CELA2A: variants seen among roughly 807,000 people sequenced by gnomAD.
The protein encoded by CELA2A is chymotrypsin like elastase 2A.
CELA2A carries 31 observed loss-of-function variants against 35.3 expected under a neutral mutation model. The observed-to-expected ratio is 0.88, with a 90% CI of 0.66 to 1.19. The LOEUF (loss-of-function observed/expected upper bound fraction) is 1.19, where lower values mean the gene tolerates loss of function less well. Among genes scored for constraint, CELA2A ranks in the 50% most tolerant of loss-of-function variants. The pLI, the probability that CELA2A is intolerant of heterozygous loss-of-function variation, is 0.00. For missense variants in CELA2A, 330 were observed against 352.9 expected, an observed-to-expected ratio of 0.94 and a Z score of 0.52; for synonymous variants, 150 against 149.8, an observed-to-expected ratio of 1.00 and a Z score of -0.01.
intron 2 of CELA2A, among the ~76,000 whole-genome samples, chr1:15,458,307 C>T (rs1030437685): frequency 7.9e-5 from 12 of 152,050 alleles, no homozygotes; most frequent in Non-Finnish European, 1.2e-4. Flanking sequence ...ACAGACACTA[C>T]TTCAAGAGCA....
intron 7 of CELA2A, among the ~76,000 whole-genome samples, chr1:15,470,503 A>G (rs1437435867): frequency 1.3e-5 from 2 of 152,220 alleles, no homozygotes; most frequent in Non-Finnish European, 2.9e-5. Context: ...TTAAAAGACT[A>G]TAAGAGTATC....
chr1:15,464,260 G>C (rs1039048958), intron 5 of CELA2A, among the ~76,000 whole-genome samples: 1 of 152,052 alleles, frequency 6.6e-6, no homozygotes, highest in Admixed American at 6.6e-5. Context: ...TGTGACCTGA[G>C]ACCCCTGGAG....
chr1:15,463,816 C>CG (rs1708474193), intron 5 of CELA2A, among the ~76,000 whole-genome samples: 2 of 151,998 alleles, frequency 1.3e-5, no homozygotes, highest in Non-Finnish European at 2.9e-5. Flanking sequence ...TTGGGAGGCC[C>CG]ATCCCGCGGA....
In CELA2A at chr1:15,467,533, A is replaced by T. The variant is rs1320210576; in HGVS notation, c.787A>T (p.Asn263Tyr). Reference protein sequence around the residue: ...TRVSNYIDWINSVIANN With the variant: ...TRVSNYIDWIYSVIANN ...GGTCTCCAATTACATCGACTGGATC[A>T]ATTCGGTAAGAACCGGACCAGCCCT... The change falls in exon 7 of 8, where the codon AAT (asparagine) becomes TAT (tyrosine). Residue 263 changes from asparagine to tyrosine, a missense_variant. By Grantham distance (143) the Asn-to-Tyr change is moderately radical. Coordinates refer to ENST00000359621, the MANE Select transcript of CELA2A (RefSeq NM_033440.3). 2 of 1,614,162 alleles carry T rather than the reference A, an allele frequency of 1.2e-6. No homozygotes were observed. The highest frequency in any genetic ancestry group is 8.5e-7 in the Non-Finnish European group (1 of 1,180,030).
At chr1:15,470,684 G>A (rs1315225770) in intron 7 of CELA2A, among the ~76,000 whole-genome samples, 2 of 152,094 alleles carry the variant, frequency 1.3e-5, no homozygotes, top group African/African-American at 4.8e-5. Flanking sequence ...GGGTTCAAGC[G>A]ATTCTTCTGC....
rs768691083 is a variant in CELA2A at position 15,462,872 on chromosome 1, G to C, written c.356+11G>C. ...CCAAATCTCCAAAGGGTTCGTTTCT[G>C]TCTGGGTGCACTTGGGGGTGAGGTT... On this transcript the variant is annotated intron_variant, in intron 4 of 7. Coordinates refer to ENST00000359621, the MANE Select transcript of CELA2A (RefSeq NM_033440.3). 6 of 1,614,106 alleles carry C rather than the reference G, an allele frequency of 3.7e-6. No homozygotes were observed. In the African/African-American group the frequency reaches 5.3e-5, roughly 14 times the overall value.
intron 7 of CELA2A, among the ~76,000 whole-genome samples, chr1:15,470,313 C>T (rs10927791): frequency 0.47 from 70,676 of 151,854 alleles, 19,952 homozygotes; most frequent in East Asian, 0.69. Flanking sequence ...TAAACCCAGA[C>T]AGGTGATGAG....
chr1:15,462,610 A>G (rs985339061), intron 3 of CELA2A, 123 bp from the exon 4 acceptor site: 2 of 1,180,534 alleles, frequency 1.7e-6, no homozygotes, highest in African/African-American at 1.5e-5. Flanking sequence ...GTCCCAGGGG[A>G]GGAAAGATCC....
intron 5 of CELA2A, 70 bp from the exon 6 acceptor site, chr1:15,465,929 G>GT: frequency 2.5e-6 from 4 of 1,571,208 alleles, no homozygotes; most frequent in Non-Finnish European, 3.5e-6. Context: ...GGAAACCTAA[G>GT]ACGGGTCCAT....
intron 2 of CELA2A, among the ~76,000 whole-genome samples, chr1:15,461,312 T>C (rs7546793): frequency 0.27 from 41,586 of 152,140 alleles, 5,924 homozygotes; most frequent in Middle Eastern, 0.43. Context: ...TCCTCCTTCC[T>C]TGGCCTCCCG....
chr1:15,462,780 T>G lies in CELA2A; in HGVS notation c.275T>G (p.Val92Gly). 1 of 1,614,124 alleles carries G rather than the reference T, an allele frequency of 6.2e-7. No homozygotes were observed. Among genetic ancestry groups the G allele is most frequent in the African/African-American group, 1.3e-5 (1 of 75,042 alleles). The change falls in exon 4 of 8, where the codon GTT becomes GGT. Residue 92 changes from valine to glycine, a missense_variant. Transcript: ENST00000359621. ...GGGCTGGGCCGGCACAACCTCTACG[T>G]TGCGGAGTCCGGCTCGCTGGCAGTC... ...RVGLGRHNLY[V>G]AESGSLAVSV...
intron 5 of CELA2A, among the ~76,000 whole-genome samples, chr1:15,465,003 C>CTTTTT (rs34001591): frequency 3.9e-5 from 3 of 77,406 alleles, no homozygotes; most frequent in Non-Finnish European, 7.4e-5. Context: ...CTTAACTTCC[C>CTTTTT]TTTTTTTTTT....
chr1:15,459,834 C>T (rs1314530708), intron 2 of CELA2A, among the ~76,000 whole-genome samples: 1 of 151,596 alleles, frequency 6.6e-6, no homozygotes, highest in Non-Finnish European at 1.5e-5. Flanking sequence ...ACTCAGCAAC[C>T]AGCCAGGAAC....
At chr1:15,462,120 G>C (rs1277337131) in intron 3 of CELA2A, 1 of 472,690 alleles carries the variant, frequency 2.1e-6, no homozygotes, top group Non-Finnish European at 4.4e-6. Flanking sequence ...GAATTATAAA[G>C]GCCCACAAGG....
intron 5 of CELA2A, among the ~76,000 whole-genome samples, chr1:15,464,785 A>T (rs1708492572): frequency 6.6e-6 from 1 of 152,048 alleles, no homozygotes; most frequent in Admixed American, 6.6e-5. Flanking sequence ...GAGAGTGGGG[A>T]GGCCTCCAAA....
intron 7 of CELA2A, among the ~76,000 whole-genome samples, chr1:15,467,749 A>G (rs567294756): frequency 1.4e-4 from 21 of 152,280 alleles, no homozygotes; most frequent in African/African-American, 4.8e-4. Flanking sequence ...AAAGGAACAT[A>G]GAGGGTGGCC....
intron 2 of CELA2A, among the ~76,000 whole-genome samples, chr1:15,459,229 C>T (rs1005914127): frequency 6.6e-6 from 1 of 150,734 alleles, no homozygotes; most frequent in Admixed American, 6.7e-5. Context: ...GCTGGTGAAA[C>T]ATGGCTCACA....
At position 15,457,069 on chromosome 1, in the gene CELA2A, CCTTT is replaced by C. The variant is rs760535973; in HGVS notation, c.41-14_41-11del. The C allele has an allele frequency of 3.1e-6, 5 of 1,611,706 alleles. No individual in the cohort carries two copies. The highest frequency in any genetic ancestry group is 1.6e-4 in the Middle Eastern group (1 of 6,082). On this transcript the variant is annotated splice_polypyrimidine_tract_variant and intron_variant, in intron 1 of 7. Coordinates refer to ENST00000359621, the MANE Select transcript of CELA2A (RefSeq NM_033440.3). Reference sequence around the variant, plus strand: ...GGGTCGCTGCTTCCTGACTCAAGACCCTTTCTCTTTTCACAGCCCTCAGTTGTGG... The same window carrying C: ...GGGTCGCTGCTTCCTGACTCAAGACCCTCTTTTCACAGCCCTCAGTTGTGG...
intron 5 of CELA2A, among the ~76,000 whole-genome samples, chr1:15,465,189 T>A (rs1208335043): frequency 2.0e-5 from 3 of 151,808 alleles, no homozygotes; most frequent in Non-Finnish European, 4.4e-5. Flanking sequence ...TTTTTGTATT[T>A]TAGTAGAGGT....
Sources: allele counts gnomAD v4.1 joint callset (sites outside exome capture counted in the v4.1 genomes callset), GRCh38; gene constraint gnomAD v4.1.1; transcripts MANE v1.5; gene names NCBI Gene and HGNC (gene_info 2026-07-23, HGNC 2026-07-21).